The following ANKRD18B variants were observed in gnomAD, a reference collection of about 807,000 sequenced individuals.
The protein encoded by ANKRD18B is ankyrin repeat domain-containing protein 18B.
Under a neutral mutation model 111.8 loss-of-function variants are expected in ANKRD18B, and 75 were observed. That is an observed-to-expected ratio of 0.67 (90% CI 0.56 to 0.81). The LOEUF is 0.81. Among genes scored for constraint, ANKRD18B ranks in the 40% least tolerant of loss-of-function variants. The pLI is 0.00. For synonymous variants in ANKRD18B, 356 were observed against 417.3 expected (o/e 0.85, Z 1.79); for missense variants, 1,038 against 1,225.5 (o/e 0.85, Z 2.28).
intron 14 of ANKRD18B, among the ~76,000 whole-genome samples, chr9:33,559,896 C>T (rs1828580806): frequency 6.6e-6 from 1 of 152,152 alleles, no homozygotes; most frequent in Non-Finnish European, 1.5e-5. Context: ...ATTGTTACAT[C>T]AATTTTAGAA....
chr9:33,528,937 C>G (rs1828067480), intron 2 of ANKRD18B, 63 bp from the exon 3 acceptor site: 1 of 1,590,002 alleles, frequency 6.3e-7, no homozygotes, highest in Admixed American at 1.8e-5. Context: ...TTGGTGAAAC[C>G]TGTGGAATAT....
intron 1 of ANKRD18B, 131 bp from the exon 2 acceptor site, chr9:33,528,596 C>G: frequency 1.4e-6 from 1 of 693,070 alleles, no homozygotes; most frequent in Non-Finnish European, 2.4e-6. Context: ...AAATATTGTA[C>G]TTTCTTCAAA....
rs1199464156 is a variant in ANKRD18B, at chr9:33,534,470, A to G, written c.703A>G (p.Thr235Ala). 1.3e-6 allele frequency: 2 copies of G among 1,550,330 alleles called. No individual in the cohort carries two copies. The highest frequency in any genetic ancestry group is 2.0e-5 in the Admixed American group (1 of 50,614). ...HISSQDMFGQTAEDYAFCCDL... is the reference protein window; with the variant it reads ...HISSQDMFGQAAEDYAFCCDL... ...CTCTTCTCAAGACATGTTTGGCCAAACTGCCGAGGATTATGCTTTTTGTTG... is the reference window on the plus strand; with the variant it reads ...CTCTTCTCAAGACATGTTTGGCCAAGCTGCCGAGGATTATGCTTTTTGTTG... The change falls in exon 5 of 19, where the codon ACT (threonine) becomes GCT (alanine). Residue 235 changes from threonine (T) to alanine (A), a missense_variant. Physicochemically the swap from Thr to Ala is moderately conservative, Grantham distance 58. Around this residue, in one of 4 missense-constraint regions of ANKRD18B, gnomAD observed 93 missense variants for 141.3 expected, o/e 0.66. Transcript: ENST00000684830.
At position 33,543,314 on chromosome 9, in the gene ANKRD18B, A is replaced by G. The variant is rs1192055897; in HGVS notation, c.1149+59A>G. 13 of 1,397,656 alleles carry G rather than the reference A, an allele frequency of 9.3e-6. No individual in the cohort carries two copies. The East Asian group carries it at 3.0e-4, about 32-fold the overall frequency. The allele number at this position is 1,397,656 out of a possible 1,614,324, so 86.6% of individuals were successfully genotyped here. A position where few individuals can be genotyped will look rare whatever the true frequency, so the allele number is the denominator to read the frequency against. ...GGTTTGTTTGTTTTTCTTTAATAAC[A>G]TAGCATAGTCCAAATGAAGTGACCT... On this transcript the variant is annotated intron_variant, in intron 10 of 18. Coordinates refer to ENST00000684830, the MANE Select transcript of ANKRD18B (RefSeq NM_001393611.1).
At chr9:33,528,110 G>GC (rs1262368690) in intron 1 of ANKRD18B, among the ~76,000 whole-genome samples, 1 of 152,134 alleles carries the variant, frequency 6.6e-6, no homozygotes, top group African/African-American at 2.4e-5. Flanking sequence ...ACCAGCCTGG[G>GC]CAACAAGGTG....
Position 33,567,263 on chromosome 9 carries a change from C to T in ANKRD18B, c.2903C>T (p.Ala968Val), listed in dbSNP as rs1469676488. The change falls in exon 16 of 19, where the codon GCC (alanine) becomes GTC (valine). Residue 968 changes from alanine (A) to valine (V), a missense_variant. Physicochemically the swap from Ala to Val is moderately conservative, Grantham distance 64. Transcript: ENST00000684830. ...ACTGAATTAGAAGAGTATAAGGAAG[C>T]CTTTGCAGTAGCATTGAAAGCTAAC... ...VTTELEEYKE[A>V]FAVALKANSS... is the part of the protein sequence containing the mutation. The T allele has an allele frequency of 6.5e-7, 1 of 1,547,974 alleles. No individual in the cohort carries two copies. The highest frequency in any genetic ancestry group is 8.7e-7 in the Non-Finnish European group (1 of 1,145,868).
intron 17 of ANKRD18B, among the ~76,000 whole-genome samples, chr9:33,569,405 C>T (rs1329227175): frequency 1.3e-5 from 2 of 151,610 alleles, no homozygotes; most frequent in Non-Finnish European, 2.9e-5. Flanking sequence ...GCTGGGACTA[C>T]AGGTGCCTGC....
intron 17 of ANKRD18B, 85 bp downstream of exon 17, chr9:33,568,978 T>A: frequency 1.6e-6 from 2 of 1,222,088 alleles, no homozygotes; most frequent in Non-Finnish European, 2.2e-6. Flanking sequence ...TGAGTTGTTC[T>A]GTTGACTTAT....
chr9:33,546,626 G>C (rs1340713621), intron 10 of ANKRD18B, among the ~76,000 whole-genome samples: 1 of 152,096 alleles, frequency 6.6e-6, no homozygotes, highest in Non-Finnish European at 1.5e-5. Flanking sequence ...CCATTAAATT[G>C]TTTTGCCAAA....
intron 3 of ANKRD18B, among the ~76,000 whole-genome samples, chr9:33,531,768 A>T (rs2117986417): frequency 6.6e-6 from 1 of 151,670 alleles, no homozygotes; most frequent in South Asian, 2.1e-4. Flanking sequence ...TCAATTATAG[A>T]GTTGAATTTT....
chr9:33,545,484 T>C (rs1363774993), intron 10 of ANKRD18B, among the ~76,000 whole-genome samples: 1 of 152,210 alleles, frequency 6.6e-6, no homozygotes, highest in East Asian at 1.9e-4. Context: ...TTGCAGACAT[T>C]TACAAAGCCG....
Position 33,572,972 on chromosome 9 carries a change from A to C in ANKRD18B, c.*538A>C. On this transcript the variant is annotated 3_prime_UTR_variant, in exon 19 of 19. Coordinates refer to ENST00000684830, the MANE Select transcript of ANKRD18B (RefSeq NM_001393611.1). The stretch of plus-strand genomic sequence containing the variant: ...TTTCTTATTTTCTTCTTTGTTCTAC[A>C]TGGAGAAATAAAACCAATAAATAAA... 1 of 302,714 alleles carries C rather than the reference A, an allele frequency of 3.3e-6. No individual in the cohort carries two copies. Among genetic ancestry groups the C allele is most frequent in the Non-Finnish European group, 5.3e-6 (1 of 189,232 alleles). 18.8% of individuals were successfully genotyped at this position (302,714 alleles called of 1,614,324 possible). A position where few individuals can be genotyped will look rare whatever the true frequency, so the allele number is the denominator to read the frequency against.
intron 3 of ANKRD18B, among the ~76,000 whole-genome samples, chr9:33,532,725 T>C (rs1828135678): frequency 6.6e-6 from 1 of 152,204 alleles, no homozygotes; most frequent in Non-Finnish European, 1.5e-5. Context: ...AGACCATTGA[T>C]AGAAGTAAAT....
chr9:33,570,642 T>C (rs1189955429), intron 17 of ANKRD18B, among the ~76,000 whole-genome samples: 1 of 120,596 alleles, frequency 8.3e-6, no homozygotes, highest in Admixed American at 8.4e-5. Flanking sequence ...AACCTTTTTT[T>C]CTTTTTTTTT....
intron 18 of ANKRD18B, 56 bp from the exon 19 acceptor site, chr9:33,572,260 C>T: frequency 2.2e-6 from 3 of 1,378,544 alleles, no homozygotes; most frequent in Non-Finnish European, 3.1e-6. Flanking sequence ...TAAACTTACA[C>T]TTCGTTAACT....
At chr9:33,566,533 A>G (rs775054612) in intron 15 of ANKRD18B, 33 bp downstream of exon 15, 1 of 1,587,020 alleles carries the variant, frequency 6.3e-7, no homozygotes, top group Non-Finnish European at 8.5e-7. Flanking sequence ...GTTTATCTGT[A>G]ATGGGCTTTC....
Position 33,539,470 on chromosome 9 carries a change from A to G in ANKRD18B, c.830A>G (p.Glu277Gly). The G allele has an allele frequency of 6.1e-6, 1 of 163,128 alleles. No individual in the cohort carries two copies. The allele number at this position is 163,128 out of a possible 1,614,324, so 10.1% of individuals were successfully genotyped here. A position where few individuals can be genotyped will look rare whatever the true frequency, so the allele number is the denominator to read the frequency against. Residue 277 changes from glutamate to glycine, a missense_variant, in exon 7 of 19, where the codon GAA becomes GGA. This residue lies in a region of ANKRD18B where 93 missense variants were observed against 141.3 expected (regional missense o/e 0.66). Transcript: ENST00000684830. ...ACAGAAGCAGCAGCCATGAAGAATG[A>G]AAGTTTTAAAACACAAGGAGCAAGT... ...DNQEAAAMKN[E>G]SFKTQGASSK...
chr9:33,541,750 T>G (rs1828282625), intron 9 of ANKRD18B, among the ~76,000 whole-genome samples: 1 of 152,128 alleles, frequency 6.6e-6, no homozygotes, highest in Non-Finnish European at 1.5e-5. Flanking sequence ...AATGTTGGTC[T>G]TTTTCTCGGA....
At chr9:33,570,838 A>G (rs1828763259) in intron 17 of ANKRD18B, among the ~76,000 whole-genome samples, 1 of 151,976 alleles carries the variant, frequency 6.6e-6, no homozygotes, top group Non-Finnish European at 1.5e-5. Context: ...GGGTTTCATC[A>G]TGTTGGCCAG....
Sources: allele counts gnomAD v4.1 joint callset (sites outside exome capture counted in the v4.1 genomes callset), GRCh38; gene constraint gnomAD v4.1.1; regional missense constraint gnomAD v4.1.1; transcripts MANE v1.5; gene names NCBI Gene and HGNC (gene_info 2026-07-23, HGNC 2026-07-21).